The following PDE11A variants were observed in gnomAD, a reference collection of about 807,000 sequenced individuals.
PDE11A encodes phosphodiesterase 11A.
In PDE11A, 100 loss-of-function variants were observed where a neutral mutation model predicts 100.5. That is an observed-to-expected ratio of 1.00 (90% CI 0.85 to 1.18). The LOEUF (loss-of-function observed/expected upper bound fraction) is 1.18, where lower values mean the gene tolerates loss of function less well. PDE11A is among the 50% of genes most tolerant of loss of function. The probability of loss-of-function intolerance (pLI) is 0.00; values close to 1 mark genes in which losing one functional copy is unlikely to be tolerated. For synonymous variants in PDE11A, 381 were observed against 420.8 expected, an observed-to-expected ratio of 0.91 and a Z score of 1.16; for missense variants, 1,141 against 1,152.6, an observed-to-expected ratio of 0.99 and a Z score of 0.15.
intron 2 of PDE11A, among the ~76,000 whole-genome samples, chr2:178,090,101 CTT>C: frequency 6.6e-6 from 1 of 152,254 alleles, no homozygotes; most frequent in Admixed American, 6.5e-5. Flanking sequence ...ACAAATTTCT[CTT>C]GTGACCAGCC....
chr2:178,073,906 A>G (rs1173674900), upstream of PDE11A, among the ~76,000 whole-genome samples: 5 of 151,036 alleles, frequency 3.3e-5, no homozygotes, highest in Non-Finnish European at 7.4e-5. Flanking sequence ...GTTATGTGTC[A>G]GGGTTTTTTT....
chr2:177,812,648 A>T (rs553505864), intron 9 of PDE11A, among the ~76,000 whole-genome samples: 15 of 152,270 alleles, frequency 9.9e-5, no homozygotes, highest in Non-Finnish European at 1.8e-4. Context: ...GAAAAATCTC[A>T]TAACCCAGAG....
chr2:177,937,319 CTTT>C (rs33967413), intron 2 of PDE11A, among the ~76,000 whole-genome samples: 44 of 125,710 alleles, frequency 3.5e-4, no homozygotes, highest in Non-Finnish European at 3.9e-4. Context: ...AAATTGAAAG[CTTT>C]TTTTTTTTTT....
At chr2:177,682,092 C>A (rs2080873998) in intron 15 of PDE11A, among the ~76,000 whole-genome samples, 1 of 152,106 alleles carries the variant, frequency 6.6e-6, no homozygotes, top group Non-Finnish European at 1.5e-5. Flanking sequence ...TACCTGGAGG[C>A]TTCATCTGCA....
chr2:177,874,040 C>T (rs559565260), intron 5 of PDE11A, among the ~76,000 whole-genome samples: 3 of 152,164 alleles, frequency 2.0e-5, no homozygotes, highest in African/African-American at 7.2e-5. Context: ...AAGCCTGATT[C>T]TGATTGACCC....
At chr2:177,793,089 T>C (rs1206450757) in intron 9 of PDE11A, among the ~76,000 whole-genome samples, 1 of 151,988 alleles carries the variant, frequency 6.6e-6, no homozygotes, top group Non-Finnish European at 1.5e-5. Context: ...AGCAGTCACC[T>C]TTGTGTGGTG....
At chr2:177,725,145 T>C (rs1021148203) in intron 12 of PDE11A, among the ~76,000 whole-genome samples, 2 of 152,128 alleles carry the variant, frequency 1.3e-5, no homozygotes, top group African/African-American at 4.8e-5. Flanking sequence ...GGCATCATTT[T>C]ACCATAGGCC....
Position 178,072,101 on chromosome 2 carries a change from G to T in PDE11A, c.337C>A (p.Gln113Lys). The T allele has an allele frequency of 6.2e-7, 1 of 1,614,000 alleles. No individual in the cohort carries two copies. The highest frequency in any genetic ancestry group is 8.5e-7 in the Non-Finnish European group (1 of 1,179,882). ...AGGSRGDGNL[Q>K]RRASQKELRK... ...AGCTCTTTCTGAGAAGCTCTCCGCT[G>T]CAGGTTCCCATCGCCCCTGCTGCCA... The change falls in exon 1 of 20, where the codon CAG (glutamine) becomes AAG (lysine). Residue 113 changes from glutamine (Q) to lysine (K), a missense_variant. Transcript: ENST00000286063.
At chr2:178,068,391 T>C (rs2087077602) in intron 1 of PDE11A, among the ~76,000 whole-genome samples, 1 of 152,154 alleles carries the variant, frequency 6.6e-6, no homozygotes, top group South Asian at 2.1e-4. Context: ...ATTCTACCCT[T>C]GACTCCAGAA....
At chr2:177,940,404 C>A (rs1462912010) in intron 2 of PDE11A, among the ~76,000 whole-genome samples, 1 of 152,124 alleles carries the variant, frequency 6.6e-6, no homozygotes, top group Non-Finnish European at 1.5e-5. Context: ...TGAAAAAGTA[C>A]ATGAAATGAT....
intron 12 of PDE11A, 97 bp from the exon 13 acceptor site, chr2:177,711,975 C>T (rs78004582): frequency 0.019 from 13,334 of 695,072 alleles, 226 homozygotes; most frequent in South Asian, 0.038. Flanking sequence ...TTCATACCCA[C>T]ATCATTTAAG....
intron 9 of PDE11A, among the ~76,000 whole-genome samples, chr2:177,785,784 C>T (rs2082526762): frequency 6.6e-6 from 1 of 152,218 alleles, no homozygotes; most frequent in Non-Finnish European, 1.5e-5. Flanking sequence ...TCGCTGATTG[C>T]TAGCACAGCA....
At chr2:177,646,725 G>A (rs1342270493) in intron 19 of PDE11A, among the ~76,000 whole-genome samples, 3 of 152,160 alleles carry the variant, frequency 2.0e-5, no homozygotes, top group Non-Finnish European at 4.4e-5. Flanking sequence ...CAGATTCACA[G>A]GAAAGTGGAG....
chr2:177,928,985 T>C (rs2085169288), intron 2 of PDE11A, among the ~76,000 whole-genome samples: 1 of 152,210 alleles, frequency 6.6e-6, no homozygotes, highest in Non-Finnish European at 1.5e-5. Flanking sequence ...AACTGTGCTC[T>C]TTTAGGTCGA....
intron 9 of PDE11A, among the ~76,000 whole-genome samples, chr2:177,793,784 C>A (rs536204296): frequency 5.3e-4 from 80 of 152,244 alleles, no homozygotes; most frequent in African/African-American, 1.9e-3. Context: ...AGGGATCAGG[C>A]ACACTGACTT....
At position 177,938,244 on chromosome 2, in the gene PDE11A, G is replaced by A. The variant is rs567006793; in HGVS notation, c.1072-33057C>T. On this transcript the variant is annotated intron_variant, in intron 2 of 19. Transcript: ENST00000286063. ...CCTCCAAAAGTAGTGGCAGAAATAT[G>A]AGCTTAGGGTTTCTTAAAAGGGAAA... is the stretch of plus-strand genomic sequence containing the variant. Among the ~76,000 whole-genome samples the A allele has an allele frequency of 4.6e-5, 7 of 152,240 alleles. No homozygotes were observed. The East Asian group carries it at 1.2e-3, about 25-fold the overall frequency.
At chr2:178,016,381 G>C (rs984887991) in intron 1 of PDE11A, among the ~76,000 whole-genome samples, 14 of 151,902 alleles carry the variant, frequency 9.2e-5, no homozygotes, top group African/African-American at 3.1e-4. Flanking sequence ...TAAAGAGAGG[G>C]AAATCAAAAC....
chr2:177,926,498 T>A (rs2695114), intron 2 of PDE11A, among the ~76,000 whole-genome samples: 2 of 152,136 alleles, frequency 1.3e-5, no homozygotes, highest in East Asian at 3.9e-4. Context: ...TAGATAGAAC[T>A]CAAATAAGCA....
intron 9 of PDE11A, among the ~76,000 whole-genome samples, chr2:177,776,030 A>T (rs1438042): frequency 6.6e-6 from 1 of 151,972 alleles, no homozygotes; most frequent in Non-Finnish European, 1.5e-5. Flanking sequence ...AAAAATAAAA[A>T]CATTTTAAAA....
Sources: gnomAD v4.1 joint callset for allele counts (sites outside exome capture counted in the v4.1 genomes callset) on GRCh38, gnomAD v4.1.1 for gene constraint, MANE v1.5 for transcripts, NCBI Gene and HGNC (gene_info 2026-07-23, HGNC 2026-07-21) for gene names.